ZNF808: variants seen among roughly 807,000 people sequenced by gnomAD.
ZNF808 encodes zinc finger protein 808.
ZNF808 carries 5 observed loss-of-function variants against 8.7 expected under a neutral mutation model. The ratio of observed to expected loss-of-function variants is 0.58; its 90% CI spans 0.30 to 1.21. The LOEUF is 1.21. Among genes scored for constraint, ZNF808 ranks in the 50% most tolerant of loss-of-function variants. The probability of loss-of-function intolerance (pLI) is 0.07; values close to 1 mark genes in which losing one functional copy is unlikely to be tolerated. For synonymous variants in ZNF808, 380 were observed against 366.0 expected (o/e 1.04, Z -0.44); for missense variants, 1,103 against 1,098.4 (o/e 1.00, Z -0.06).
intron 3 of ZNF808, among the ~76,000 whole-genome samples, chr19:52,562,103 A>G (rs1041783028): frequency 1.3e-5 from 2 of 152,090 alleles, no homozygotes; most frequent in African/African-American, 4.8e-5. Flanking sequence ...TGAGGTCCAG[A>G]GTTTGAGACC....
chr19:52,546,363 T>A (rs1194196122), intron 3 of ZNF808, among the ~76,000 whole-genome samples: 3 of 151,880 alleles, frequency 2.0e-5, no homozygotes, highest in Non-Finnish European at 2.9e-5. Flanking sequence ...AATTTTTGTG[T>A]TTTTACTAGA....
downstream of ZNF808, among the ~76,000 whole-genome samples, chr19:52,559,896 A>C (rs1393077225): frequency 6.6e-6 from 1 of 151,952 alleles, no homozygotes; most frequent in African/African-American, 2.4e-5. Context: ...TTGTAACGGC[A>C]TGATGTGATG....
At chr19:52,567,044 C>G (rs554577037), downstream of ZNF808, among the ~76,000 whole-genome samples, 1 of 151,060 alleles carries the variant, frequency 6.6e-6, no homozygotes. Flanking sequence ...TTCCACCTTC[C>G]GGGTTCAAGC....
At chr19:52,532,401 ATCTTT>A (rs2059568915) in intron 1 of ZNF808, among the ~76,000 whole-genome samples, 1 of 151,872 alleles carries the variant, frequency 6.6e-6, no homozygotes, top group Non-Finnish European at 1.5e-5. Context: ...GATTTTTGGA[ATCTTT>A]TCTTATCTTC....
chr19:52,540,382 T>G (rs2059659164), intron 2 of ZNF808, among the ~76,000 whole-genome samples: 2 of 152,328 alleles, frequency 1.3e-5, no homozygotes, highest in Middle Eastern at 3.4e-3. Flanking sequence ...ATCTGTATTT[T>G]TTAACCATTT....
chr19:52,528,584 A>G (rs926421915), intron 1 of ZNF808, among the ~76,000 whole-genome samples: 4 of 152,160 alleles, frequency 2.6e-5, no homozygotes, highest in Non-Finnish European at 4.4e-5. Flanking sequence ...ACAGAGATGA[A>G]GGACGGCAAG....
chr19:52,534,432 T>A lies in ZNF808; in HGVS notation c.-20+1423T>A, dbSNP rs566022519. On this transcript the variant is annotated intron_variant, in intron 2 of 4. Coordinates refer to ENST00000359798, the MANE Select transcript of ZNF808 (RefSeq NM_001039886.4). ...GTTTCTTTCTCTCTTTTCAACCTCT[T>A]AGCTGTTTGCCTCTATTTCCCATCA... Among the ~76,000 whole-genome samples, 4 of 152,354 alleles carry A rather than the reference T, an allele frequency of 2.6e-5. No homozygotes were observed. In the East Asian group the frequency reaches 7.7e-4, roughly 29 times the overall value.
chr19:52,563,580 T>C (rs2059864450), exon 4 of ZNF808: 1 of 152,490 alleles, frequency 6.6e-6, no homozygotes, highest in Non-Finnish European at 1.5e-5. Context: ...AATGAAGTCA[T>C]TGATAGTTTA....
intron 1 of ZNF808, among the ~76,000 whole-genome samples, chr19:52,532,329 G>A (rs2059568400): frequency 6.6e-6 from 1 of 151,928 alleles, no homozygotes; most frequent in African/African-American, 2.4e-5. Context: ...AGGTTCAAGT[G>A]ATTCTTGTGC....
downstream of ZNF808, among the ~76,000 whole-genome samples, chr19:52,561,210 CTCTATATA>C (rs1292650221): frequency 0.021 from 602 of 29,308 alleles, 3 homozygotes; most frequent in Non-Finnish European, 0.029. Context: ...CTCTCTCTCT[CTCTATATA>C]TATATATATA....
chr19:52,563,955 C>T (rs978158951), exon 4 of ZNF808: 14 of 330,516 alleles, frequency 4.2e-5, no homozygotes, highest in Middle Eastern at 8.8e-4. Flanking sequence ...GGGATCCTGC[C>T]GTTGCACTCC....
chr19:52,540,005 C>T (rs1599975991), intron 2 of ZNF808, among the ~76,000 whole-genome samples: 1 of 152,084 alleles, frequency 6.6e-6, no homozygotes, highest in East Asian at 1.9e-4. Flanking sequence ...CCACCAGGTC[C>T]GGCTAATGTT....
intron 1 of ZNF808, among the ~76,000 whole-genome samples, chr19:52,529,572 T>C (rs1356803430): frequency 6.6e-6 from 1 of 152,160 alleles, no homozygotes; most frequent in African/African-American, 2.4e-5. Flanking sequence ...CATCAGAGGT[T>C]ATGTTCCACT....
chr19:52,542,848 G>A (rs868523385), intron 2 of ZNF808, among the ~76,000 whole-genome samples: 22 of 151,174 alleles, frequency 1.5e-4, no homozygotes, highest in Admixed American at 2.0e-4. Context: ...TCATTTTGTC[G>A]CCCAGGCTGG....
At chr19:52,546,987 G>A (rs59303019) in intron 3 of ZNF808, among the ~76,000 whole-genome samples, 2,183 of 127,442 alleles carry the variant, frequency 0.017, 34 homozygotes, top group African/African-American at 0.064. Flanking sequence ...TCAGTCTGTT[G>A]CCCAGGATGG....
intron 2 of ZNF808, among the ~76,000 whole-genome samples, chr19:52,533,843 CAAAAAAAA>C (rs919374020): frequency 9.8e-5 from 3 of 30,760 alleles, no homozygotes; most frequent in African/African-American, 1.5e-4. Context: ...ACTCCGTCTC[CAAAAAAAA>C]AAAAAAAAAA....
downstream of ZNF808, among the ~76,000 whole-genome samples, chr19:52,560,457 A>T (rs573959679): frequency 6.6e-6 from 1 of 152,256 alleles, no homozygotes; most frequent in Admixed American, 6.5e-5. Flanking sequence ...CCTTCTTCAC[A>T]TCCATGGTCT....
chr19:52,546,609 G>T (rs1261660594), intron 3 of ZNF808, among the ~76,000 whole-genome samples: 1 of 149,834 alleles, frequency 6.7e-6, no homozygotes, highest in African/African-American at 2.5e-5. Context: ...GAACATAATA[G>T]CTGACATGTC....
downstream of ZNF808, among the ~76,000 whole-genome samples, chr19:52,567,482 ATT>A (rs751832324): frequency 4.4e-5 from 4 of 91,622 alleles, no homozygotes; most frequent in East Asian, 1.2e-3. Context: ...GTCCAGCTGT[ATT>A]TTTTATTATT....
Sources: allele counts gnomAD v4.1 joint callset (sites outside exome capture counted in the v4.1 genomes callset), GRCh38; gene constraint gnomAD v4.1.1; transcripts MANE v1.5; gene names NCBI Gene and HGNC (gene_info 2026-07-23, HGNC 2026-07-21).